The following COMMD1 variants were observed in gnomAD, a reference collection of about 807,000 sequenced individuals.
COMMD1 encodes the protein COMM domain-containing protein 1.
A neutral mutation model predicts 17.2 loss-of-function variants in COMMD1; 10 were observed. That is an observed-to-expected ratio of 0.58 (90% confidence interval 0.36 to 0.99). The LOEUF is 0.99. Among genes scored for constraint, COMMD1 ranks in the 50% least tolerant of loss-of-function variants. COMMD1 has a pLI of 0.01. For synonymous variants in COMMD1, 97 were observed against 91.6 expected (o/e 1.06, Z -0.34); for missense variants, 270 against 231.8 (o/e 1.17, Z -1.07).
At chr2:61,914,079 G>C (rs1669985460) in intron 1 of COMMD1, among the ~76,000 whole-genome samples, 1 of 151,868 alleles carries the variant, frequency 6.6e-6, no homozygotes, top group South Asian at 2.1e-4. Flanking sequence ...GGCTGAGGCA[G>C]GAGACTGGCG....
Position 61,931,296 on chromosome 2 carries a change from A to C in COMMD1, c.180+25438A>C, listed in dbSNP as rs558530444. 2.6e-5 allele frequency among the ~76,000 whole-genome samples: 4 copies of C among 152,304 alleles called. No homozygotes were observed. In the South Asian group the frequency reaches 8.3e-4, roughly 32 times the overall value. On this transcript the variant is annotated intron_variant, in intron 1 of 2. Coordinates refer to ENST00000311832, the MANE Select transcript of COMMD1 (RefSeq NM_152516.4). ...CACTGCACTCCAACCTGGGTAACAG[A>C]GTGAGACCTTGTCTCAAAAAAATAA...
At chr2:62,103,536 T>C (rs1436704182) in intron 2 of COMMD1, among the ~76,000 whole-genome samples, 5 of 152,234 alleles carry the variant, frequency 3.3e-5, no homozygotes, top group African/African-American at 1.2e-4. Flanking sequence ...ATTTTAGGTG[T>C]AGACCGTATA....
At chr2:62,116,968 C>T (rs1307618504) in intron 2 of COMMD1, among the ~76,000 whole-genome samples, 1 of 149,970 alleles carries the variant, frequency 6.7e-6, no homozygotes, top group Non-Finnish European at 1.5e-5. Context: ...GCATTCTAGC[C>T]TGGGCAACAA....
At chr2:62,025,014 GT>G (rs1669717776) in intron 2 of COMMD1, among the ~76,000 whole-genome samples, 1 of 152,156 alleles carries the variant, frequency 6.6e-6, no homozygotes, top group Non-Finnish European at 1.5e-5. Flanking sequence ...ATCACCTGAG[GT>G]CAGGAGTTCA....
At chr2:62,132,078 G>C (rs1001424834) in intron 2 of COMMD1, among the ~76,000 whole-genome samples, 2 of 151,574 alleles carry the variant, frequency 1.3e-5, no homozygotes, top group Non-Finnish European at 2.9e-5. Context: ...TAATAAAGAT[G>C]GGGTTTCACC....
At chr2:62,023,287 G>A (rs374938921) in intron 2 of COMMD1, among the ~76,000 whole-genome samples, 23 of 151,318 alleles carry the variant, frequency 1.5e-4, no homozygotes, top group East Asian at 1.4e-3. Context: ...TACCCCTGAG[G>A]AGTGGAAAAT....
intron 2 of COMMD1, among the ~76,000 whole-genome samples, chr2:62,033,625 T>A (rs7561706): frequency 2.0e-5 from 3 of 151,972 alleles, no homozygotes; most frequent in African/African-American, 7.3e-5. Context: ...AAGAAGTACC[T>A]TAGATATAAA....
chr2:62,067,873 C>G (rs1671097102), intron 2 of COMMD1, among the ~76,000 whole-genome samples: 1 of 152,166 alleles, frequency 6.6e-6, no homozygotes, highest in South Asian at 2.1e-4. Flanking sequence ...ACTCAGTATG[C>G]CAAGGTGCCG....
intron 1 of COMMD1, among the ~76,000 whole-genome samples, chr2:61,951,331 G>A (rs1279837586): frequency 1.3e-5 from 2 of 152,048 alleles, no homozygotes; most frequent in African/African-American, 2.4e-5. Context: ...ATGGTGGCGC[G>A]TGCCTGTAGT....
intron 1 of COMMD1, among the ~76,000 whole-genome samples, chr2:61,972,081 C>T (rs1045287980): frequency 3.9e-5 from 6 of 152,204 alleles, no homozygotes; most frequent in Middle Eastern, 3.4e-3. Context: ...GATTGTGCCA[C>T]TGCACGCCAG....
rs559235360 is a variant in COMMD1, at chr2:62,054,033, G to A, written c.462+53051G>A. Among the ~76,000 whole-genome samples, 10 of 152,182 alleles carry A rather than the reference G, an allele frequency of 6.6e-5. No individual in the cohort carries two copies. In the South Asian group the frequency reaches 2.1e-3, roughly 32 times the overall value. On this transcript the variant is annotated intron_variant, in intron 2 of 2. Transcript: ENST00000311832. ...GATCCAAATAATCCTACTAAAAAGT[G>A]GGCAAAGGACATGAATAGACATTTT...
intron 1 of COMMD1, among the ~76,000 whole-genome samples, chr2:61,895,274 A>C (rs1000340953): frequency 2.6e-5 from 4 of 152,126 alleles, no homozygotes; most frequent in African/African-American, 9.7e-5. Flanking sequence ...TCCACAGATA[A>C]AAGTACCTCT....
At chr2:61,978,646 A>G (rs1671869224) in intron 1 of COMMD1, among the ~76,000 whole-genome samples, 1 of 152,152 alleles carries the variant, frequency 6.6e-6, no homozygotes, top group South Asian at 2.1e-4. Context: ...TACTTCTAAC[A>G]TGTCTCATTC....
chr2:61,960,065 T>C (rs1276200611), intron 1 of COMMD1, among the ~76,000 whole-genome samples: 1 of 152,160 alleles, frequency 6.6e-6, no homozygotes, highest in Non-Finnish European at 1.5e-5. Flanking sequence ...GCTTGTCTAG[T>C]TTTGTCCAGG....
chr2:62,098,277 G>C (rs767988420), intron 2 of COMMD1, among the ~76,000 whole-genome samples: 3 of 150,912 alleles, frequency 2.0e-5, no homozygotes, highest in Non-Finnish European at 2.9e-5. Flanking sequence ...TCCTGCCTCA[G>C]CCTCCCGAGT....
intron 1 of COMMD1, among the ~76,000 whole-genome samples, chr2:61,951,435 C>T (rs1020755620): frequency 6.7e-5 from 10 of 148,914 alleles, no homozygotes; most frequent in African/African-American, 1.5e-4. Flanking sequence ...ACTCCAGCCT[C>T]GGTAACAGAA....
At chr2:62,134,602 CAAA>C (rs35477482) in intron 2 of COMMD1, among the ~76,000 whole-genome samples, 4 of 130,654 alleles carry the variant, frequency 3.1e-5, no homozygotes, top group Non-Finnish European at 4.9e-5. Context: ...CCCATCTCTA[CAAA>C]AAAAAAAAAA....
intron 2 of COMMD1, among the ~76,000 whole-genome samples, chr2:62,032,526 A>G (rs777766273): frequency 1.1e-4 from 17 of 152,220 alleles, no homozygotes; most frequent in Non-Finnish European, 2.4e-4. Flanking sequence ...ACAGAGCGAG[A>G]CCCTGTCTCT....
At chr2:62,036,789 G>A (rs997773115) in intron 2 of COMMD1, among the ~76,000 whole-genome samples, 1 of 152,168 alleles carries the variant, frequency 6.6e-6, no homozygotes, top group African/African-American at 2.4e-5. Context: ...TATTTTCAAA[G>A]ATAAACTAAA....
Sources: allele counts gnomAD v4.1 joint callset (sites outside exome capture counted in the v4.1 genomes callset), GRCh38; gene constraint gnomAD v4.1.1; transcripts MANE v1.5; gene names NCBI Gene and HGNC (gene_info 2026-07-23, HGNC 2026-07-21).